Variants in MGAT5 observed in about 807,000 individuals in gnomAD.
MGAT5 encodes alpha-1,6-mannosylglycoprotein 6-beta-N-acetylglucosaminyltransferase A.
MGAT5 carries 30 observed loss-of-function variants against 94.3 expected under a neutral mutation model. That is an observed-to-expected ratio of 0.32 (90% confidence interval 0.24 to 0.43). MGAT5 has a LOEUF of 0.43. Ranked by LOEUF, MGAT5 falls within the 20% of genes least tolerant of loss-of-function variation. The pLI is 1.00. For missense variants in MGAT5, 691 were observed against 905.5 expected (o/e 0.76, Z 3.04); for synonymous variants, 310 against 322.9 (o/e 0.96, Z 0.43).
intron 1 of MGAT5, among the ~76,000 whole-genome samples, chr2:134,162,390 A>G (rs1687778975): frequency 6.6e-6 from 1 of 152,200 alleles, no homozygotes; most frequent in Non-Finnish European, 1.5e-5. Context: ...GCAAGCAAGG[A>G]GTCCAAAGGT....
At chr2:134,189,610 T>TGTTTTGTTTTG (rs1352982152) in intron 1 of MGAT5, among the ~76,000 whole-genome samples, 1 of 135,584 alleles carries the variant, frequency 7.4e-6, no homozygotes, top group African/African-American at 2.8e-5. Context: ...TTGTTTTTTT[T>TGTTTTGTTTTG]TTTTTTTTTT....
At chr2:134,243,638 ACTT>A (rs1682084029) in intron 1 of MGAT5, among the ~76,000 whole-genome samples, 2 of 152,156 alleles carry the variant, frequency 1.3e-5, no homozygotes, top group Admixed American at 1.3e-4. Flanking sequence ...AGTGATGAGA[ACTT>A]CTTTATAAGG....
intron 1 of MGAT5, among the ~76,000 whole-genome samples, chr2:134,174,096 A>G (rs1233188248): frequency 6.6e-6 from 1 of 152,190 alleles, no homozygotes; most frequent in Non-Finnish European, 1.5e-5. Flanking sequence ...ATGAGCCTTT[A>G]CCTCTAGCAG....
Position 134,262,853 on chromosome 2 carries a change from A to G in MGAT5, c.242-7533A>G, listed in dbSNP as rs902349866. 1.4e-4 allele frequency among the ~76,000 whole-genome samples: 22 copies of G among 152,344 alleles called. No homozygotes were observed. In the East Asian group the frequency reaches 4.0e-3, roughly 28 times the overall value. On this transcript the variant is annotated intron_variant, in intron 1 of 15. Coordinates refer to ENST00000281923, the MANE Select transcript of MGAT5 (RefSeq NM_002410.5). ...GTTTATGTAGCTATTCTTAGCATTT[A>G]CAGGGGTAGAGCCTGACCAGACATG...
intron 10 of MGAT5, among the ~76,000 whole-genome samples, chr2:134,388,927 A>G (rs1036262248): frequency 6.6e-6 from 1 of 151,896 alleles, no homozygotes; most frequent in African/African-American, 2.4e-5. Context: ...CATCTGGCCA[A>G]TTTTTGTATT....
intron 1 of MGAT5, among the ~76,000 whole-genome samples, chr2:134,146,064 G>C (rs376868670): frequency 6.6e-6 from 1 of 152,078 alleles, no homozygotes; most frequent in Non-Finnish European, 1.5e-5. Flanking sequence ...CTGCTTTAAG[G>C]AGAGTTTTGG....
At chr2:134,437,945 A>G (rs1436883079) in intron 14 of MGAT5, among the ~76,000 whole-genome samples, 1 of 150,204 alleles carries the variant, frequency 6.7e-6, no homozygotes, top group Non-Finnish European at 1.5e-5. Context: ...AACCTGGCAG[A>G]GGGAGGTTGC....
chr2:134,238,487 A>G (rs1681780956), intron 1 of MGAT5, among the ~76,000 whole-genome samples: 1 of 152,182 alleles, frequency 6.6e-6, no homozygotes, highest in Non-Finnish European at 1.5e-5. Flanking sequence ...TGCTTTCCCC[A>G]TCTCATCATG....
chr2:134,300,226 C>T (rs1685934376), intron 2 of MGAT5, among the ~76,000 whole-genome samples: 1 of 152,178 alleles, frequency 6.6e-6, no homozygotes, highest in Non-Finnish European at 1.5e-5. Context: ...ACCATCTTCT[C>T]TTTTCAGTAC....
intron 1 of MGAT5, among the ~76,000 whole-genome samples, chr2:134,269,280 C>T (rs1683887563): frequency 6.6e-6 from 1 of 152,128 alleles, no homozygotes; most frequent in Non-Finnish European, 1.5e-5. Context: ...GTGATCTGTG[C>T]TGTTTATGTG....
chr2:134,418,599 G>A (rs1165664579), intron 12 of MGAT5, among the ~76,000 whole-genome samples: 5 of 152,212 alleles, frequency 3.3e-5, no homozygotes, highest in Non-Finnish European at 1.5e-5. Context: ...AGAGTTATAG[G>A]ACAAATGCAT....
intron 1 of MGAT5, among the ~76,000 whole-genome samples, chr2:134,175,172 C>T (rs969917332): frequency 1.3e-5 from 2 of 152,218 alleles, no homozygotes; most frequent in African/African-American, 2.4e-5. Flanking sequence ...GATTCTGGTT[C>T]ATGGCAAGAG....
chr2:134,144,779 C>A (rs1686832924), intron 1 of MGAT5, among the ~76,000 whole-genome samples: 1 of 152,032 alleles, frequency 6.6e-6, no homozygotes, highest in South Asian at 2.1e-4. Context: ...GCTATGGGAC[C>A]AAAATCATTT....
At chr2:134,182,579 A>G (rs1293977811) in intron 1 of MGAT5, among the ~76,000 whole-genome samples, 1 of 152,004 alleles carries the variant, frequency 6.6e-6, no homozygotes, top group African/African-American at 2.4e-5. Flanking sequence ...AACCAAACAC[A>G]CCTGTGTTAG....
chr2:134,181,360 T>A (rs1251857559), intron 1 of MGAT5, among the ~76,000 whole-genome samples: 4 of 152,208 alleles, frequency 2.6e-5, no homozygotes, highest in Non-Finnish European at 5.9e-5. Flanking sequence ...CCGGAAGGGC[T>A]TACGTGTGTC....
At chr2:134,395,476 C>T (rs900903972) in intron 10 of MGAT5, among the ~76,000 whole-genome samples, 1 of 152,200 alleles carries the variant, frequency 6.6e-6, no homozygotes, top group Admixed American at 6.5e-5. Context: ...AGATGCTAGC[C>T]AGCTCAGGAC....
At chr2:134,187,339 A>G (rs374649176) in intron 1 of MGAT5, among the ~76,000 whole-genome samples, 46 of 152,308 alleles carry the variant, frequency 3.0e-4, no homozygotes, top group East Asian at 9.6e-4. Flanking sequence ...AGGTATGACA[A>G]TCTTCCAGTG....
At chr2:134,366,650 A>G (rs1489330116) in intron 10 of MGAT5, among the ~76,000 whole-genome samples, 1 of 152,204 alleles carries the variant, frequency 6.6e-6, no homozygotes, top group Non-Finnish European at 1.5e-5. Flanking sequence ...ACTAATGCAC[A>G]CATCACCTGA....
At chr2:134,415,906 G>T (rs547421638) in intron 12 of MGAT5, among the ~76,000 whole-genome samples, 2 of 152,076 alleles carry the variant, frequency 1.3e-5, no homozygotes, top group Non-Finnish European at 2.9e-5. Flanking sequence ...TGTCAGCGTC[G>T]TTGGGAATCA....
Sources: allele counts gnomAD v4.1 joint callset (sites outside exome capture counted in the v4.1 genomes callset), GRCh38; gene constraint gnomAD v4.1.1; transcripts MANE v1.5; gene names NCBI Gene and HGNC (gene_info 2026-07-23, HGNC 2026-07-21).